The following RMDN2 variants were observed in gnomAD, a reference collection of about 807,000 sequenced individuals.
RMDN2 encodes regulator of microtubule dynamics protein 2.
RMDN2 carries 61 observed loss-of-function variants against 52.8 expected under a neutral mutation model. The observed-to-expected ratio is 1.16, with a 90% CI of 0.94 to 1.43. RMDN2 has a LOEUF of 1.43. Ranked by LOEUF, RMDN2 falls within the 40% of genes most tolerant of loss-of-function variation. RMDN2 has a pLI of 0.00. For missense variants in RMDN2, 592 were observed against 475.3 expected (o/e 1.25, Z -2.28); for synonymous variants, 180 against 153.1 (o/e 1.18, Z -1.30).
Position 37,974,045 on chromosome 2 carries a change from T to C in RMDN2, c.458T>C (p.Ile153Thr). Residue 153 changes from isoleucine (I) to threonine (T), a missense_variant, in exon 3 of 11, where the codon ATT becomes ACT. Transcript: ENST00000354545. ...GATTATTTCTGCGATTTTAGGTATATTACAGCTAATACTGACACAGAAGAA... is the reference window on the plus strand; with the variant it reads ...GATTATTTCTGCGATTTTAGGTATACTACAGCTAATACTGACACAGAAGAA... ...SEEAESEGGY[I>T]TANTDTEEQS... is the part of the protein sequence containing the mutation. 6.2e-7 allele frequency: 1 copy of C among 1,606,790 alleles called. No homozygotes were observed. The highest frequency in any genetic ancestry group is 8.5e-7 in the Non-Finnish European group (1 of 1,176,688).
chr2:38,063,811 A>G (rs1335802160), intron 10 of RMDN2, among the ~76,000 whole-genome samples: 1 of 152,214 alleles, frequency 6.6e-6, no homozygotes, highest in Non-Finnish European at 1.5e-5. Flanking sequence ...AAGTTCCAGT[A>G]GTTTCACATC....
chr2:38,004,105 A>G, intron 9 of RMDN2, 31 bp from the exon 10 acceptor site: 1 of 1,607,750 alleles, frequency 6.2e-7, no homozygotes, highest in East Asian at 2.2e-5. Flanking sequence ...AAAACGGATT[A>G]TGTTTAATAT....
At chr2:37,973,096 G>GTT (rs34848754) in intron 2 of RMDN2, among the ~76,000 whole-genome samples, 2 of 151,884 alleles carry the variant, frequency 1.3e-5, no homozygotes, top group Admixed American at 1.3e-4. Flanking sequence ...AAATTTGTGT[G>GTT]TTTTTTATAT....
chr2:38,040,461 T>G (rs2116233), intron 10 of RMDN2, among the ~76,000 whole-genome samples: 43,753 of 151,994 alleles, frequency 0.29, 8,944 homozygotes, highest in East Asian at 0.79. Flanking sequence ...CCTTCCATCA[T>G]GTAAGGACAC....
intron 10 of RMDN2, among the ~76,000 whole-genome samples, chr2:38,056,192 G>A (rs1006108172): frequency 2.0e-5 from 3 of 152,276 alleles, no homozygotes; most frequent in South Asian, 2.1e-4. Context: ...CACGGAGGGC[G>A]TTGTCCAGGA....
chr2:37,971,283 C>G (rs76787398), intron 2 of RMDN2, among the ~76,000 whole-genome samples: 1 of 151,998 alleles, frequency 6.6e-6, no homozygotes, highest in African/African-American at 2.4e-5. Context: ...GTGAGAGTTC[C>G]TTTTTTGCAT....
chr2:38,013,075 A>G (rs1678233263), intron 10 of RMDN2, among the ~76,000 whole-genome samples: 1 of 152,208 alleles, frequency 6.6e-6, no homozygotes, highest in Non-Finnish European at 1.5e-5. Flanking sequence ...CAGTATTTTT[A>G]TTATTCATGT....
chr2:37,978,416 A>T (rs1460521514), intron 4 of RMDN2, among the ~76,000 whole-genome samples: 1 of 152,170 alleles, frequency 6.6e-6, no homozygotes, highest in South Asian at 2.1e-4. Flanking sequence ...TAGGAATAGG[A>T]TAGCAAAATA....
chr2:37,952,050 C>T (rs563048712), intron 2 of RMDN2: 1 of 1,613,456 alleles, frequency 6.2e-7, no homozygotes, highest in East Asian at 2.2e-5. Context: ...CCCATTCCTC[C>T]ATAAAGCTGG....
intron 8 of RMDN2, among the ~76,000 whole-genome samples, chr2:38,000,097 G>C (rs1381274168): frequency 6.6e-6 from 1 of 152,164 alleles, no homozygotes; most frequent in Non-Finnish European, 1.5e-5. Flanking sequence ...GGGGAAAATT[G>C]GTCCTCCACA....
At chr2:37,980,765 C>T (rs922697908) in intron 4 of RMDN2, among the ~76,000 whole-genome samples, 6 of 152,040 alleles carry the variant, frequency 3.9e-5, no homozygotes, top group Non-Finnish European at 8.8e-5. Flanking sequence ...GAGTTACCCA[C>T]TCTGCTGTGC....
intron 10 of RMDN2, among the ~76,000 whole-genome samples, chr2:38,062,848 A>G (rs1682112993): frequency 7.4e-6 from 1 of 135,698 alleles, no homozygotes; most frequent in African/African-American, 2.8e-5. Context: ...ATTCCCACCT[A>G]TGAGTGAGAA....
At chr2:37,961,880 G>A (rs1012463701) in intron 2 of RMDN2, among the ~76,000 whole-genome samples, 3 of 152,074 alleles carry the variant, frequency 2.0e-5, no homozygotes, top group South Asian at 4.1e-4. Flanking sequence ...TTTTGCGTGG[G>A]CGTCCTTTTT....
chr2:38,019,228 G>A (rs1007311318), downstream of RMDN2, among the ~76,000 whole-genome samples: 3 of 152,202 alleles, frequency 2.0e-5, no homozygotes, highest in African/African-American at 7.2e-5. Context: ...TTTTGTGGGA[G>A]CAACTCATTC....
chr2:37,990,278 G>T (rs1367984527), intron 6 of RMDN2, among the ~76,000 whole-genome samples: 1 of 151,834 alleles, frequency 6.6e-6, no homozygotes, highest in African/African-American at 2.4e-5. Flanking sequence ...CAGCACTTTG[G>T]GAGGCTGAAG....
intron 10 of RMDN2, among the ~76,000 whole-genome samples, chr2:38,005,945 T>C (rs1432779336): frequency 6.6e-6 from 1 of 152,232 alleles, no homozygotes; most frequent in Non-Finnish European, 1.5e-5. Flanking sequence ...CCCAGCACCA[T>C]TTATTAAGTA....
intron 2 of RMDN2, chr2:37,951,404 G>A (rs1668774407): frequency 6.2e-7 from 1 of 1,613,042 alleles, no homozygotes; most frequent in East Asian, 2.2e-5. Flanking sequence ...CAAGTAGAAG[G>A]TTATTATCTG....
intron 8 of RMDN2, among the ~76,000 whole-genome samples, chr2:37,998,618 A>T (rs910914664): frequency 6.6e-6 from 1 of 152,156 alleles, no homozygotes; most frequent in African/African-American, 2.4e-5. Flanking sequence ...TTTGTAGATC[A>T]TGTAGTCTAG....
chr2:37,949,607 C>G (rs1461978941), intron 2 of RMDN2, among the ~76,000 whole-genome samples: 1 of 152,134 alleles, frequency 6.6e-6, no homozygotes, highest in Non-Finnish European at 1.5e-5. Flanking sequence ...AATCAAATTA[C>G]AAATCCGACC....
Sources: gnomAD v4.1 joint callset for allele counts (sites outside exome capture counted in the v4.1 genomes callset) on GRCh38, gnomAD v4.1.1 for gene constraint, MANE v1.5 for transcripts, NCBI Gene and HGNC (gene_info 2026-07-23, HGNC 2026-07-21) for gene names.